Variants in PWWP3A observed in about 807,000 individuals in gnomAD.
PWWP3A encodes the protein PWWP domain-containing DNA repair factor 3A.
In PWWP3A, 53 loss-of-function variants were observed where a neutral mutation model predicts 79.0. The observed-to-expected ratio is 0.67, with a 90% CI of 0.54 to 0.84. The LOEUF (loss-of-function observed/expected upper bound fraction) is 0.84, where lower values mean the gene tolerates loss of function less well. Among genes scored for constraint, PWWP3A ranks in the 40% least tolerant of loss-of-function variants. The pLI, the probability that PWWP3A is intolerant of heterozygous loss-of-function variation, is 0.00. For missense variants in PWWP3A, 973 were observed against 948.0 expected (o/e 1.03, Z -0.35); for synonymous variants, 443 against 394.4 (o/e 1.12, Z -1.46).
intron 12 of PWWP3A, chr19:1,371,596 T>TA (rs1438256977): frequency 5.1e-6 from 3 of 592,804 alleles, no homozygotes; most frequent in Non-Finnish European, 9.0e-6. Flanking sequence ...GAGGAGCAAA[T>TA]ACAGATGATT....
At position 1,376,612 on chromosome 19, in the gene PWWP3A, G is replaced by A. The variant is rs777909597; in HGVS notation, c.*36G>A. On this transcript the variant is annotated 3_prime_UTR_variant, in exon 14 of 14. Transcript: ENST00000591337. ...GGCTGTGCTGTCAGCGGGGCCTGGC[G>A]GTGGAAGCGCCTCCAGTGTGCATGA... 5.6e-6 allele frequency: 9 copies of A among 1,610,576 alleles called. No individual in the cohort carries two copies. The highest frequency in any genetic ancestry group is 1.7e-5 in the Admixed American group (1 of 59,848).
chr19:1,367,772 T>C (rs561959258), intron 9 of PWWP3A, among the ~76,000 whole-genome samples: 1 of 152,370 alleles, frequency 6.6e-6, no homozygotes, highest in East Asian at 1.9e-4. Flanking sequence ...AAGGGATTTG[T>C]CTAACTCAGA....
At chr19:1,363,991 G>T (rs1390176084) in intron 6 of PWWP3A, among the ~76,000 whole-genome samples, 3 of 151,998 alleles carry the variant, frequency 2.0e-5, no homozygotes. Flanking sequence ...TTTTGGCATT[G>T]AAAATATTTC....
At chr19:1,374,501 G>A (rs531593376) in intron 13 of PWWP3A, 1 of 152,322 alleles carries the variant, frequency 6.6e-6, no homozygotes, top group African/African-American at 2.4e-5. Context: ...TGCACCATGA[G>A]CCTCTCTGCA....
Position 1,360,937 on chromosome 19 carries a change from C to A in PWWP3A, c.1016C>A (p.Pro339Gln). Residue 339 changes from proline (P) to glutamine (Q), a missense_variant, in exon 5 of 14, where the codon CCG (proline) becomes CAG (glutamine). Transcript: ENST00000591337. The surrounding 1 kb of genome is among the most constrained non-coding windows in gnomAD (Gnocchi z 4.4). The stretch of plus-strand genomic sequence containing the variant: ...CCAGGGCCCAGAGAGTCTGTGACCC[C>A]GCGCAGCACCGCCAGGCTGGGCCCG... ...PGPGPRESVTPRSTARLGPPP... is the reference protein window; with the variant it reads ...PGPGPRESVTQRSTARLGPPP... The A allele has an allele frequency of 6.6e-7, 1 of 1,513,248 alleles. No individual in the cohort carries two copies. The allele number at this position is 1,513,248 out of a possible 1,614,324, so 93.7% of individuals were successfully genotyped here.
chr19:1,361,406 A>G (rs1040424790), intron 5 of PWWP3A, among the ~76,000 whole-genome samples: 2 of 152,220 alleles, frequency 1.3e-5, no homozygotes, highest in African/African-American at 4.8e-5. Context: ...ACGCATTCCT[A>G]TTAAATTGGG....
intron 5 of PWWP3A, 149 bp downstream of exon 5, chr19:1,361,181 T>A: frequency 1.4e-6 from 1 of 705,094 alleles, no homozygotes; most frequent in Non-Finnish European, 2.0e-6. Flanking sequence ...TCCTCATTCC[T>A]TTTTGTCTGT....
At chr19:1,371,141 C>CGCTGGGATTTT in intron 12 of PWWP3A, 63 bp downstream of exon 12, 1 of 1,529,092 alleles carries the variant, frequency 6.5e-7, no homozygotes, top group Non-Finnish European at 8.8e-7. Context: ...TTTGCAACTC[C>CGCTGGGATTTT]GCACGAGGAG....
intron 13 of PWWP3A, chr19:1,374,228 T>C (rs1209044286): frequency 6.6e-6 from 1 of 152,130 alleles, no homozygotes; most frequent in Non-Finnish European, 1.5e-5. Context: ...CAAAACCCGT[T>C]AGGAGTTCAT....
At position 1,369,493 on chromosome 19, in the gene PWWP3A, C is replaced by A; in HGVS notation, c.1499-103C>A. 1 of 1,520,576 alleles carries A rather than the reference C, an allele frequency of 6.6e-7. No individual in the cohort carries two copies. Among genetic ancestry groups the A allele is most frequent in the Non-Finnish European group, 9.1e-7 (1 of 1,097,070 alleles). The allele number at this position is 1,520,576 out of a possible 1,614,324, so 94.2% of individuals were successfully genotyped here. The stretch of plus-strand genomic sequence containing the variant: ...TGGGTGGGCTGGGGTTCTGGCCTGG[C>A]CTGATTATTTCCTAAACAGAGACGC... On this transcript the variant is annotated intron_variant, in intron 10 of 13. Coordinates refer to ENST00000591337, the MANE Select transcript of PWWP3A (RefSeq NM_001369789.1). The surrounding 1 kb of genome is among the most constrained non-coding windows in gnomAD (Gnocchi z 4.0).
At chr19:1,375,712 T>C (rs1012963015) in intron 13 of PWWP3A, among the ~76,000 whole-genome samples, 2 of 139,016 alleles carry the variant, frequency 1.4e-5, no homozygotes, top group African/African-American at 5.3e-5. Context: ...ATATATAATA[T>C]ATATAAAGTA....
intron 8 of PWWP3A, among the ~76,000 whole-genome samples, chr19:1,366,854 C>G (rs1417484720): frequency 6.6e-6 from 1 of 152,240 alleles, no homozygotes; most frequent in Non-Finnish European, 1.5e-5. Flanking sequence ...CCAAGTCGAA[C>G]GCGCAGAACC....
At chr19:1,355,190 G>T (rs1019238276) in intron 1 of PWWP3A, 55 bp downstream of exon 1, 1 of 152,080 alleles carries the variant, frequency 6.6e-6, no homozygotes, top group Non-Finnish European at 1.5e-5. Flanking sequence ...GAGGCGAGGA[G>T]GCCGGGCCTG....
rs2082248050 is a variant in PWWP3A, at chr19:1,371,097, T to A, written c.1986+19T>A. 1 of 1,548,542 alleles carries A rather than the reference T, an allele frequency of 6.5e-7. No individual in the cohort carries two copies. The highest frequency in any genetic ancestry group is 1.4e-5 in the African/African-American group (1 of 73,168). On this transcript the variant is annotated intron_variant, in intron 12 of 13. Transcript: ENST00000591337. ...GCCCGAGGTGAGCCGCGGACCGGCG[T>A]GTCACGTGGGCAGGGAGGGGCCTGC...
chr19:1,359,011 T>TC (rs1230692569), intron 4 of PWWP3A: 2 of 302,394 alleles, frequency 6.6e-6, no homozygotes, highest in Non-Finnish European at 1.3e-5. Flanking sequence ...GCTCTCGGCT[T>TC]CCCATCCATC....
intron 3 of PWWP3A, chr19:1,358,093 T>A: frequency 2.9e-6 from 1 of 344,814 alleles, no homozygotes; most frequent in Non-Finnish European, 5.2e-6. Context: ...AACAAAGGAG[T>A]GATTTGTGCA....
chr19:1,362,181 A>G, intron 5 of PWWP3A, 69 bp from the exon 6 acceptor site: 2 of 1,345,940 alleles, frequency 1.5e-6, no homozygotes, highest in Non-Finnish European at 2.1e-6. Flanking sequence ...GTGTCATGAA[A>G]TGTTTTCTTG....
chr19:1,370,835 G>A lies in PWWP3A; in HGVS notation c.1743G>A (p.Lys581=). ...AGAAGCTGGTGGAGTACATTGTGAAGGCCAAGGGCGCGGAGAGCCACCTGC... is the reference window on the plus strand; with the variant it reads ...AGAAGCTGGTGGAGTACATTGTGAAAGCCAAGGGCGCGGAGAGCCACCTGC... ...ANQKLVEYIV[K]AKGAESHLRA... The change falls in exon 12 of 14, where the codon AAG becomes AAA. Residue 581 remains lysine, a synonymous_variant. Coordinates refer to ENST00000591337, the MANE Select transcript of PWWP3A (RefSeq NM_001369789.1). 6.4e-7 allele frequency: 1 copy of A among 1,572,156 alleles called. No individual in the cohort carries two copies. The highest frequency in any genetic ancestry group is 8.6e-7 in the Non-Finnish European group (1 of 1,158,856).
chr19:1,364,338 G>T (rs1568940462), intron 6 of PWWP3A, among the ~76,000 whole-genome samples, 171 bp from the exon 7 acceptor site: 1 of 152,172 alleles, frequency 6.6e-6, no homozygotes. Context: ...GTAGTGTGGG[G>T]TATGTGAATC....
Sources: allele counts gnomAD v4.1 joint callset (sites outside exome capture counted in the v4.1 genomes callset), GRCh38; gene constraint gnomAD v4.1.1; non-coding constraint Gnocchi (gnomAD v3.1); transcripts MANE v1.5; gene names NCBI Gene and HGNC (gene_info 2026-07-23, HGNC 2026-07-21).